The following HR variants were observed in gnomAD, a reference collection of about 807,000 sequenced individuals.
The protein encoded by HR is HR lysine demethylase and nuclear receptor corepressor, also known as lysine-specific demethylase hairless.
In HR, 83 loss-of-function variants were observed where a neutral mutation model predicts 128.6. The ratio of observed to expected loss-of-function variants is 0.65; its 90% CI spans 0.54 to 0.77. The LOEUF (loss-of-function observed/expected upper bound fraction) is 0.77, where lower values mean the gene tolerates loss of function less well. HR is among the 30% of genes least tolerant of loss of function. The pLI, the probability that HR is intolerant of heterozygous loss-of-function variation, is 0.00. For missense variants in HR, 1,490 were observed against 1,574.6 expected (o/e 0.95, Z 0.91); for synonymous variants, 681 against 658.2 (o/e 1.03, Z -0.53).
In HR at chr8:22,121,625, T is replaced by C; in HGVS notation, c.2191A>G (p.Ser731Gly). Residue 731 changes from serine to glycine, a missense_variant, in exon 9 of 19, where the codon AGC (serine) becomes GGC (glycine). By Grantham distance (56) the Ser-to-Gly change is moderately conservative. Transcript: ENST00000381418. Reference protein sequence around the residue: ...SCNGDTHRTKSIKEETPDSAE... With the variant: ...SCNGDTHRTKGIKEETPDSAE... Reference sequence around the variant, plus strand: ...AGGAGCCGCTCACCCTCTTTGATGCTCTTGGTCCTGTGGGTGTCGCCATTG... The same window carrying C: ...AGGAGCCGCTCACCCTCTTTGATGCCCTTGGTCCTGTGGGTGTCGCCATTG... The C allele has an allele frequency of 1.2e-6, 2 of 1,614,132 alleles. No homozygotes were observed. The highest frequency in any genetic ancestry group is 2.2e-5 in the South Asian group (2 of 91,080).
In HR at chr8:22,127,048, T is replaced by C; in HGVS notation, c.1394A>G (p.Asp465Gly). The C allele has an allele frequency of 3.7e-6, 6 of 1,611,996 alleles. No homozygotes were observed. Among genetic ancestry groups the C allele is most frequent in the Non-Finnish European group, 5.1e-6 (6 of 1,179,632 alleles). ...CCTGGCCCCCTTACCTTTCTGCTCA[T>C]CATGCTGTCCCGAGTCCACATCCTT... ...GNKDVDSGQH[D>G]EQKGPQDGQA... Residue 465 changes from aspartate to glycine, a missense_variant, in exon 3 of 19, where the codon GAT (aspartate) becomes GGT (glycine). Asp to Gly is a moderately conservative substitution (Grantham distance 94). This residue lies in a region of HR where 1,060 missense variants were observed against 1,060.9 expected (regional missense o/e 1.00). Transcript: ENST00000381418.
Position 22,117,028 on chromosome 8 carries a change from GGCCGGGCACACCTCAAA to G in HR, c.3214-6_3224del. On this transcript the variant is annotated splice_acceptor_variant and splice_polypyrimidine_tract_variant and coding_sequence_variant and intron_variant, in exon 17 of 19. Transcript: ENST00000381418. LOFTEE classifies it high-confidence loss of function. ...CGCCAGGCTCCAGGGCGCCTGCCCC[GGCCGGGCACACCTCAAA>G]GAAGAGAAGGGGGAATGAGCGAGAT... The G allele has an allele frequency of 6.6e-7, 1 of 1,506,578 alleles. No homozygotes were observed. 93.3% of individuals were successfully genotyped at this position (1,506,578 alleles called of 1,614,324 possible).
chr8:22,122,991 A>C lies in HR; in HGVS notation c.1916-112T>G, dbSNP rs1457290261. 8 of 1,021,298 alleles carry C rather than the reference A, an allele frequency of 7.8e-6. No homozygotes were observed. The East Asian group carries it at 1.8e-4, about 23-fold the overall frequency. The allele number at this position is 1,021,298 out of a possible 1,614,324, so 63.3% of individuals were successfully genotyped here. On this transcript the variant is annotated intron_variant, in intron 6 of 18. Transcript: ENST00000381418. ...AACCAGGGGACTCAATAGTCCACAA[A>C]ACTCGTGCTTTCTGGGAAACCTGGG... is the stretch of plus-strand genomic sequence containing the variant.
At chr8:22,119,694 G>A (rs1826684596) in intron 14 of HR, 66 bp downstream of exon 14, 1 of 1,540,344 alleles carries the variant, frequency 6.5e-7, no homozygotes, top group Admixed American at 2.0e-5. Flanking sequence ...AGACGCTCGT[G>A]TGCCCCGAGA....
Position 22,120,256 on chromosome 8 carries a change from C to G in HR, c.2777-83G>C, listed in dbSNP as rs543872536. 186 of 1,609,506 alleles carry G rather than the reference C, an allele frequency of 1.2e-4. 3 individuals carry two copies. In the South Asian group the frequency reaches 1.9e-3, roughly 17 times the overall value. On this transcript the variant is annotated intron_variant, in intron 12 of 18. Coordinates refer to ENST00000381418, the MANE Select transcript of HR (RefSeq NM_005144.5). ...CGGCAGCAACACCTGCTTCCAGCCC[C>G]TCGGGGTCACCCTGGGACTCCTCTG... is the stretch of plus-strand genomic sequence containing the variant.
Position 22,125,413 on chromosome 8 carries a change from G to T in HR, c.1648C>A (p.Leu550Ile). 1 of 1,612,740 alleles carries T rather than the reference G, an allele frequency of 6.2e-7. No individual in the cohort carries two copies. The highest frequency in any genetic ancestry group is 8.5e-7 in the Non-Finnish European group (1 of 1,179,848). ...EGPGSGPDSRLSTGLAKHLLS... is the reference protein window; with the variant it reads ...EGPGSGPDSRISTGLAKHLLS... ...AGGTGCTTGGCGAGGCCTGTGCTGA[G>T]CCGGCTGTCAGGGCCGGACCCTGGG... Residue 550 changes from leucine to isoleucine, a missense_variant, in exon 5 of 19, where the codon CTC becomes ATC. This residue lies in a region of HR where 1,060 missense variants were observed against 1,060.9 expected (regional missense o/e 1.00). Transcript: ENST00000381418.
intron 3 of HR, among the ~76,000 whole-genome samples, 167 bp downstream of exon 3, chr8:22,126,870 T>C (rs917916454): frequency 5.3e-5 from 8 of 152,168 alleles, no homozygotes; most frequent in Non-Finnish European, 1.0e-4. Context: ...TGGAAGGCTC[T>C]GGCCTGGAGA....
At position 22,125,514 on chromosome 8, in the gene HR, G is replaced by A. The variant is rs773678343; in HGVS notation, c.1557-10C>T. On this transcript the variant is annotated splice_polypyrimidine_tract_variant and intron_variant, in intron 4 of 18. Transcript: ENST00000381418. ...CCCTCCCAGAGGCGATCTGGAGAGA[G>A]GGCAGGGGGAGGTGAGCAGGGAGCC... 46 of 1,613,204 alleles carry A rather than the reference G, an allele frequency of 2.9e-5. No individual in the cohort carries two copies. The highest frequency in any genetic ancestry group is 3.7e-5 in the Non-Finnish European group (44 of 1,179,896).
intron 1 of HR, among the ~76,000 whole-genome samples, chr8:22,129,715 ACAGCCC>A (rs1364256399): frequency 6.6e-6 from 1 of 152,152 alleles, no homozygotes; most frequent in East Asian, 1.9e-4. Flanking sequence ...ACCCTAGCCT[ACAGCCC>A]CAGCCAGGCT....
At chr8:22,126,981 C>G in intron 3 of HR, 56 bp downstream of exon 3, 1 of 1,525,862 alleles carries the variant, frequency 6.6e-7, no homozygotes. Flanking sequence ...ATGCGAAGCC[C>G]CAGCCCCGGC....
chr8:22,123,617 T>TTTGGGGCC, intron 6 of HR, 32 bp downstream of exon 6: 2 of 292,092 alleles, frequency 6.8e-6, no homozygotes, highest in Non-Finnish European at 1.2e-5. Flanking sequence ...GAGGGCTCCA[T>TTTGGGGCC]CCCGCCCTCC....
intron 3 of HR, among the ~76,000 whole-genome samples, chr8:22,126,248 G>A (rs1826887258): frequency 6.7e-6 from 1 of 148,988 alleles, no homozygotes; most frequent in Non-Finnish European, 1.5e-5. Flanking sequence ...GCACAGACAG[G>A]CCCATGCCAG....
chr8:22,121,804 T>C lies in HR; in HGVS notation c.2122-110A>G, dbSNP rs1826762572. On this transcript the variant is annotated intron_variant, in intron 8 of 18. Transcript: ENST00000381418. ...CAATGGACTCTTGTCAGTCCTAAAA[T>C]CGTGTTTATAGGAGCAAAATGCCAT... 3 of 1,166,680 alleles carry C rather than the reference T, an allele frequency of 2.6e-6. No individual in the cohort carries two copies. In the South Asian group the frequency reaches 3.9e-5, roughly 15 times the overall value. 72.3% of individuals were successfully genotyped at this position (1,166,680 alleles called of 1,614,324 possible). A position where few individuals can be genotyped will look rare whatever the true frequency, so the allele number is the denominator to read the frequency against.
At chr8:22,123,616 A>AGGGGGGGGG in intron 6 of HR, 33 bp downstream of exon 6, 12 of 562,338 alleles carry the variant, frequency 2.1e-5, no homozygotes, top group Non-Finnish European at 3.0e-5. Flanking sequence ...TGAGGGCTCC[A>AGGGGGGGGG]TCCCGCCCTC....
At chr8:22,129,738 C>A (rs901549152) in intron 1 of HR, among the ~76,000 whole-genome samples, 2 of 152,188 alleles carry the variant, frequency 1.3e-5, no homozygotes, top group African/African-American at 4.8e-5. Context: ...GGCTTGTAGC[C>A]GTGGGAAGTG....
At position 22,122,543 on chromosome 8, in the gene HR, G is replaced by A. The variant is rs1308740197; in HGVS notation, c.2071C>T (p.Pro691Ser). ...WVKFDIRGHC[P>S]CQADARVWAP... ...CATACCCGGGCATCAGCTTGGCAGG[G>A]GCAGTGCCCCCGGATATCAAACTTG... is the stretch of plus-strand genomic sequence containing the variant. Residue 691 changes from proline to serine, a missense_variant, in exon 8 of 19, where the codon CCC becomes TCC. Physicochemically the swap from Pro to Ser is moderately conservative, Grantham distance 74 (BLOSUM62 -1). This residue lies in a region of HR where 1,060 missense variants were observed against 1,060.9 expected (regional missense o/e 1.00). Coordinates refer to ENST00000381418, the MANE Select transcript of HR (RefSeq NM_005144.5). 1 of 1,612,210 alleles carries A rather than the reference G, an allele frequency of 6.2e-7. No individual in the cohort carries two copies. The highest frequency in any genetic ancestry group is 8.5e-7 in the Non-Finnish European group (1 of 1,179,560).
At chr8:22,128,435 G>C in intron 2 of HR, 124 bp downstream of exon 2, 2 of 1,365,978 alleles carry the variant, frequency 1.5e-6, no homozygotes, top group Non-Finnish European at 2.0e-6. Context: ...ACAGCTCCAA[G>C]CTGATAGACC....
chr8:22,125,737 G>C lies in HR; in HGVS notation c.1406-5C>G. 6.2e-7 allele frequency: 1 copy of C among 1,613,564 alleles called. No individual in the cohort carries two copies. Among genetic ancestry groups the C allele is most frequent in the East Asian group, 2.2e-5 (1 of 44,878 alleles). On this transcript the variant is annotated splice_region_variant and splice_polypyrimidine_tract_variant and intron_variant, in intron 3 of 18. Coordinates refer to ENST00000381418, the MANE Select transcript of HR (RefSeq NM_005144.5). ...TGGCCTGGCCATCTTGGGGTCCTGA[G>C]GGGACAATGCAGAGGTCAGGAATCT... is the stretch of plus-strand genomic sequence containing the variant.
In HR at chr8:22,122,534, C is replaced by A; in HGVS notation, c.2080G>T (p.Ala694Ser). ...FDIRGHCPCQ[A>S]DARVWAPGDA... ...CCGGGGGCCCATACCCGGGCATCAG[C>A]TTGGCAGGGGCAGTGCCCCCGGATA... is the stretch of plus-strand genomic sequence containing the variant. The change falls in exon 8 of 19, where the codon GCT becomes TCT. Residue 694 changes from alanine (A) to serine (S), a missense_variant. Physicochemically the swap from Ala to Ser is moderately conservative, Grantham distance 99. Around this residue, in one of 3 missense-constraint regions of HR, gnomAD observed 1,060 missense variants for 1,060.9 expected, o/e 1.00. Coordinates refer to ENST00000381418, the MANE Select transcript of HR (RefSeq NM_005144.5). 6.2e-7 allele frequency: 1 copy of A among 1,612,046 alleles called. No individual in the cohort carries two copies. The highest frequency in any genetic ancestry group is 8.5e-7 in the Non-Finnish European group (1 of 1,179,392).
Sources: gnomAD v4.1 joint callset for allele counts (sites outside exome capture counted in the v4.1 genomes callset) on GRCh38, gnomAD v4.1.1 for gene constraint, gnomAD v4.1.1 regional missense constraint, MANE v1.5 for transcripts, NCBI Gene and HGNC (gene_info 2026-07-23, HGNC 2026-07-21) for gene names.